WWP2: variants seen among roughly 807,000 people sequenced by gnomAD.
The protein encoded by WWP2 is WW domain containing E3 ubiquitin protein ligase 2.
WWP2 carries 57 observed loss-of-function variants against 121.0 expected under a neutral mutation model. The observed-to-expected ratio is 0.47, with a 90% CI of 0.38 to 0.59. The LOEUF is 0.59. WWP2 is among the 20% of genes least tolerant of loss of function. The pLI is 0.00. For missense variants in WWP2, 962 were observed against 1,158.9 expected (o/e 0.83, Z 2.47); for synonymous variants, 449 against 441.3 (o/e 1.02, Z -0.22).
In WWP2 at chr16:69,871,865, G is replaced by A. The variant is rs371719288; in HGVS notation, c.637G>A (p.Gly213Ser). The A allele has an allele frequency of 4.6e-5, 74 of 1,613,936 alleles. No homozygotes were observed. The highest frequency in any genetic ancestry group is 3.1e-4 in the African/African-American group (23 of 74,924). ...CCCAGCAACCGGCGAGCAAAGCCCCGGTGCTCGGAGCCGGCACCGCCAGCC... is the reference window on the plus strand; with the variant it reads ...CCCAGCAACCGGCGAGCAAAGCCCCAGTGCTCGGAGCCGGCACCGCCAGCC... Reference protein sequence around the residue: ...TTPATGEQSPGARSRHRQPVK... With the variant: ...TTPATGEQSPSARSRHRQPVK... The change falls in exon 7 of 24, where the codon GGT (glycine) becomes AGT (serine). Residue 213 changes from glycine (G) to serine (S), a missense_variant. Physicochemically the swap from Gly to Ser is moderately conservative, Grantham distance 56. Transcript: ENST00000359154.
intron 1 of WWP2, among the ~76,000 whole-genome samples, chr16:69,765,872 A>G (rs1202161036): frequency 3.3e-5 from 5 of 152,118 alleles, no homozygotes; most frequent in Non-Finnish European, 7.4e-5. Context: ...ACTTTTGCCC[A>G]GGCTGGTCTT....
intron 7 of WWP2, among the ~76,000 whole-genome samples, chr16:69,881,115 A>G (rs1290381473): frequency 6.6e-6 from 1 of 152,222 alleles, no homozygotes; most frequent in Non-Finnish European, 1.5e-5. Flanking sequence ...AGCAGAGGCC[A>G]TGCAACTGCC....
intron 18 of WWP2, 94 bp downstream of exon 18, chr16:69,936,080 G>A (rs1343747854): frequency 6.5e-7 from 1 of 1,549,870 alleles, no homozygotes; most frequent in Non-Finnish European, 8.7e-7. Context: ...GTCTGCCAGT[G>A]TGGCCCCTGA....
intron 4 of WWP2, among the ~76,000 whole-genome samples, chr16:69,832,642 A>C (rs991547159): frequency 6.6e-6 from 1 of 152,184 alleles, no homozygotes; most frequent in South Asian, 2.1e-4. Flanking sequence ...TCCTGGGTTC[A>C]AGTGATTCTT....
At chr16:69,825,967 A>G (rs1159158308) in intron 4 of WWP2, among the ~76,000 whole-genome samples, 1 of 152,156 alleles carries the variant, frequency 6.6e-6, no homozygotes, top group African/African-American at 2.4e-5. Context: ...AATTTCAAAC[A>G]TAAATAAAAG....
At chr16:69,846,874 A>T (rs1010545187) in intron 6 of WWP2, among the ~76,000 whole-genome samples, 2 of 152,016 alleles carry the variant, frequency 1.3e-5, no homozygotes, top group Non-Finnish European at 2.9e-5. Flanking sequence ...GGTGGCTCCC[A>T]AGTGTTCATT....
intron 9 of WWP2, 25 bp from the exon 10 acceptor site, chr16:69,917,684 T>G: frequency 6.3e-7 from 1 of 1,593,528 alleles, no homozygotes; most frequent in East Asian, 2.3e-5. Flanking sequence ...GGTCATTATA[T>G]TCATTCTGAG....
chr16:69,850,081 G>A lies in WWP2; in HGVS notation c.575+7961G>A, dbSNP rs117541452. 1.1e-4 allele frequency among the ~76,000 whole-genome samples: 16 copies of A among 152,156 alleles called. No homozygotes were observed. The East Asian group carries it at 2.5e-3, about 24-fold the overall frequency. On this transcript the variant is annotated intron_variant, in intron 6 of 23. Transcript: ENST00000359154. The stretch of plus-strand genomic sequence containing the variant: ...CATGAATGCCAGGCTCTGAGCTGTC[G>A]TGGTGATTAAAAGATGAAAAGTCGG...
rs575780366 is a variant in WWP2, at chr16:69,794,528, C to CA, written c.71-4143dup. ...TGGGCAGCAGAGGGAGACCCGGTCTCAAAAAAAAAAAGAAACTATAAACTA... is the reference window on the plus strand; with the variant it reads ...TGGGCAGCAGAGGGAGACCCGGTCTCAAAAAAAAAAAAGAAACTATAAACTA... On this transcript the variant is annotated intron_variant, in intron 2 of 23. Coordinates refer to ENST00000359154, the MANE Select transcript of WWP2 (RefSeq NM_001270454.2). 3.3e-3 allele frequency among the ~76,000 whole-genome samples: 464 copies of CA among 139,350 alleles called. 2 individuals are homozygous for CA. Among genetic ancestry groups the CA allele is most frequent in the African/African-American group, 0.01 (381 of 38,042 alleles). 91.4% of individuals were successfully genotyped at this position (139,350 alleles called of 152,430 possible).
chr16:69,874,310 G>T (rs1052523489), intron 7 of WWP2, among the ~76,000 whole-genome samples: 4 of 152,286 alleles, frequency 2.6e-5, no homozygotes, highest in South Asian at 2.1e-4. Flanking sequence ...ACCAGAGGGG[G>T]GTCGAGGGTG....
At chr16:69,897,453 G>C (rs931020231) in intron 8 of WWP2, among the ~76,000 whole-genome samples, 3 of 152,040 alleles carry the variant, frequency 2.0e-5, no homozygotes, top group Non-Finnish European at 2.9e-5. Context: ...TGATGTATAA[G>C]ATGTTACCAG....
chr16:69,811,628 A>G (rs1289029649), intron 4 of WWP2, among the ~76,000 whole-genome samples: 5 of 151,670 alleles, frequency 3.3e-5, no homozygotes, highest in Non-Finnish European at 5.9e-5. Flanking sequence ...TGGGCATGCA[A>G]CGGTAGTCCC....
chr16:69,870,919 C>T (rs2057623288), intron 6 of WWP2, among the ~76,000 whole-genome samples: 1 of 152,164 alleles, frequency 6.6e-6, no homozygotes, highest in African/African-American at 2.4e-5. Context: ...CTGCTAAATT[C>T]CACACTTTTC....
chr16:69,910,042 ACT>A (rs1370992770), intron 9 of WWP2: 1 of 153,108 alleles, frequency 6.5e-6, no homozygotes, highest in Admixed American at 6.6e-5. Context: ...ATTGCAGCAG[ACT>A]CTATGGCTTG....
chr16:69,893,368 CT>C (rs1014073441), intron 8 of WWP2, among the ~76,000 whole-genome samples: 1 of 151,584 alleles, frequency 6.6e-6, no homozygotes, highest in African/African-American at 2.4e-5. Context: ...TAAATGCCAT[CT>C]TTTTTTTTCT....
At chr16:69,901,987 A>G (rs1200770599) in intron 8 of WWP2, among the ~76,000 whole-genome samples, 1 of 152,194 alleles carries the variant, frequency 6.6e-6, no homozygotes, top group Non-Finnish European at 1.5e-5. Context: ...ATTTATCTAA[A>G]ATTCACTCGA....
intron 4 of WWP2, among the ~76,000 whole-genome samples, chr16:69,823,479 T>C (rs890596974): frequency 3.9e-5 from 6 of 152,018 alleles, no homozygotes; most frequent in South Asian, 2.1e-4. Flanking sequence ...TCTTGTGTTT[T>C]TTTTTTTTGA....
intron 9 of WWP2, among the ~76,000 whole-genome samples, chr16:69,914,622 T>C (rs1187363741): frequency 6.6e-6 from 1 of 151,908 alleles, no homozygotes; most frequent in Non-Finnish European, 1.5e-5. Context: ...CCCCGCATGG[T>C]GGTGCGTGCC....
intron 6 of WWP2, among the ~76,000 whole-genome samples, chr16:69,850,380 C>G (rs2057183402): frequency 8.0e-6 from 1 of 124,520 alleles, no homozygotes; most frequent in African/African-American, 3.1e-5. Flanking sequence ...GACTGAGACT[C>G]CATCTCAAAA....
Sources: gnomAD v4.1 joint callset for allele counts (sites outside exome capture counted in the v4.1 genomes callset) on GRCh38, gnomAD v4.1.1 for gene constraint, MANE v1.5 for transcripts, NCBI Gene and HGNC (gene_info 2026-07-23, HGNC 2026-07-21) for gene names.